The following MOSMO variants were observed in gnomAD, a reference collection of about 807,000 sequenced individuals.
MOSMO encodes the protein modulator of smoothened protein.
A neutral mutation model predicts 18.4 loss-of-function variants in MOSMO; 5 were observed. That is an observed-to-expected ratio of 0.27 (90% CI 0.14 to 0.57). MOSMO has a LOEUF of 0.57. Ranked by LOEUF, MOSMO falls within the 20% of genes least tolerant of loss-of-function variation. The pLI, the probability that MOSMO is intolerant of heterozygous loss-of-function variation, is 0.92. For synonymous variants in MOSMO, 82 were observed against 82.3 expected, an observed-to-expected ratio of 1.00 and a Z score of 0.02; for missense variants, 138 against 211.8, an observed-to-expected ratio of 0.65 and a Z score of 2.16.
chr16:22,038,798 T>A (rs1347174340), intron 1 of MOSMO, among the ~76,000 whole-genome samples: 1 of 152,232 alleles, frequency 6.6e-6, no homozygotes, highest in East Asian at 1.9e-4. Context: ...TTTTTAATGA[T>A]GCCAATCTTA....
intron 1 of MOSMO, among the ~76,000 whole-genome samples, chr16:22,047,850 A>T (rs943024959): frequency 6.6e-6 from 1 of 152,058 alleles, no homozygotes; most frequent in African/African-American, 2.4e-5. Flanking sequence ...AAGAGCTCAG[A>T]CTGATTTACA....
intron 1 of MOSMO, among the ~76,000 whole-genome samples, chr16:22,053,361 C>T (rs897087231): frequency 1.3e-5 from 2 of 151,976 alleles, no homozygotes; most frequent in African/African-American, 4.8e-5. Flanking sequence ...TTTATATTTA[C>T]TAATTATTAA....
downstream of MOSMO, among the ~76,000 whole-genome samples, chr16:22,087,789 C>T (rs1276484963): frequency 6.6e-6 from 1 of 152,164 alleles, no homozygotes; most frequent in Non-Finnish European, 1.5e-5. Context: ...GTAACTTTTT[C>T]CTGCCTTATG....
intron 1 of MOSMO, among the ~76,000 whole-genome samples, chr16:22,065,451 G>C (rs779114629): frequency 1.1e-4 from 17 of 152,102 alleles, no homozygotes; most frequent in Non-Finnish European, 2.4e-4. Context: ...CTTGCCTTGT[G>C]TGTGGTCATC....
At position 22,063,462 on chromosome 16, in the gene MOSMO, C is replaced by T. The variant is rs201897552; in HGVS notation, c.107-12025C>T. Among the ~76,000 whole-genome samples the T allele has an allele frequency of 2.6e-4, 39 of 152,150 alleles. No individual in the cohort carries two copies. In the East Asian group the frequency reaches 6.4e-3, roughly 25 times the overall value. On this transcript the variant is annotated intron_variant, in intron 1 of 2. Transcript: ENST00000542527. ...AAGGTAGTAGTGCACATTTTCTGGT[C>T]GATGCAAATAGGTAAGACAAATGTG...
intron 1 of MOSMO, among the ~76,000 whole-genome samples, chr16:22,038,784 A>G (rs1900156691): frequency 6.6e-6 from 1 of 152,236 alleles, no homozygotes; most frequent in Admixed American, 6.5e-5. Flanking sequence ...CATAAAGCAT[A>G]AATTTTTTAA....
At chr16:22,015,769 T>C (rs1313726158) in intron 1 of MOSMO, among the ~76,000 whole-genome samples, 1 of 152,164 alleles carries the variant, frequency 6.6e-6, no homozygotes, top group Non-Finnish European at 1.5e-5. Context: ...ACATCATCTC[T>C]TTTATCATTA....
At chr16:22,066,296 G>T (rs897714069) in intron 1 of MOSMO, among the ~76,000 whole-genome samples, 6 of 152,158 alleles carry the variant, frequency 3.9e-5, no homozygotes, top group Non-Finnish European at 8.8e-5. Context: ...GTCAGCAGTT[G>T]TTCAGCATCA....
chr16:22,040,241 G>A (rs1458621514), intron 1 of MOSMO, among the ~76,000 whole-genome samples: 1 of 152,070 alleles, frequency 6.6e-6, no homozygotes, highest in African/African-American at 2.4e-5. Context: ...CACATAAGAG[G>A]GGAACAACAC....
In MOSMO at chr16:22,081,017, AAGG is replaced by A; in HGVS notation, c.*139_*141del. 2.7e-6 allele frequency: 1 copy of A among 372,162 alleles called. No homozygotes were observed. The highest frequency in any genetic ancestry group is 4.6e-6 in the Non-Finnish European group (1 of 215,246). 23.1% of individuals were successfully genotyped at this position (372,162 alleles called of 1,614,324 possible). A position where few individuals can be genotyped will look rare whatever the true frequency, so the allele number is the denominator to read the frequency against. ...ATGCTCAGATGAAACTGATGCTGAG[AAGG>A]AAAAAAAAATGCTTTGGTTTGTTCT... On this transcript the variant is annotated 3_prime_UTR_variant, in exon 3 of 3. Coordinates refer to ENST00000542527, the MANE Select transcript of MOSMO (RefSeq NM_001164579.2).
chr16:22,012,325 C>G (rs1027677697), intron 1 of MOSMO, among the ~76,000 whole-genome samples: 2 of 152,146 alleles, frequency 1.3e-5, no homozygotes, highest in Non-Finnish European at 2.9e-5. Context: ...CTCTCTTTGT[C>G]TCCGTTTCCT....
rs570381129 is a variant in MOSMO at position 22,020,522 on chromosome 16, C to T, written c.106+12115C>T. ...GTTGGTCAGGCTGGTCTTGAACTCC[C>T]GACCTCGGGTGATCCACCCGCATCG... On this transcript the variant is annotated intron_variant, in intron 1 of 2. Coordinates refer to ENST00000542527, the MANE Select transcript of MOSMO (RefSeq NM_001164579.2). Among the ~76,000 whole-genome samples, 8 of 151,976 alleles carry T rather than the reference C, an allele frequency of 5.3e-5. No homozygotes were observed. In the East Asian group the frequency reaches 1.2e-3, roughly 23 times the overall value.
chr16:22,080,134 G>A (rs1598028365), intron 2 of MOSMO, among the ~76,000 whole-genome samples: 1 of 152,134 alleles, frequency 6.6e-6, no homozygotes, highest in East Asian at 1.9e-4. Context: ...TTATTTATAT[G>A]TACCTTTTCT....
At chr16:22,057,441 C>T (rs1900558581) in intron 1 of MOSMO, among the ~76,000 whole-genome samples, 2 of 152,226 alleles carry the variant, frequency 1.3e-5, no homozygotes, top group African/African-American at 4.8e-5. Flanking sequence ...GAACACCTTC[C>T]ATTAGGCTCC....
intron 1 of MOSMO, among the ~76,000 whole-genome samples, chr16:22,014,385 G>A (rs1409081393): frequency 2.0e-5 from 3 of 152,176 alleles, no homozygotes; most frequent in Non-Finnish European, 1.5e-5. Context: ...CATTTTGTGA[G>A]GAAGAGTTTT....
At chr16:22,019,713 A>G (rs942742187) in intron 1 of MOSMO, among the ~76,000 whole-genome samples, 2 of 152,114 alleles carry the variant, frequency 1.3e-5, no homozygotes, top group Non-Finnish European at 2.9e-5. Context: ...TTAGAGAGTG[A>G]GGTGATTGTA....
intron 1 of MOSMO, among the ~76,000 whole-genome samples, chr16:22,050,286 TA>T (rs367779060): frequency 1.3e-5 from 2 of 152,046 alleles, no homozygotes; most frequent in Non-Finnish European, 2.9e-5. Context: ...AATATTAAAC[TA>T]AAAAAAATAG....
intron 1 of MOSMO, among the ~76,000 whole-genome samples, chr16:22,067,399 A>G (rs373745334): frequency 6.6e-6 from 1 of 152,356 alleles, no homozygotes; most frequent in Admixed American, 6.5e-5. Context: ...AAAGTAATAT[A>G]CATTCAGAAA....
At chr16:22,070,875 TG>T (rs1900835820) in intron 1 of MOSMO, among the ~76,000 whole-genome samples, 1 of 152,070 alleles carries the variant, frequency 6.6e-6, no homozygotes, top group Non-Finnish European at 1.5e-5. Context: ...CCCAGGGAGG[TG>T]CACAGGGCTG....
Sources: allele counts gnomAD v4.1 joint callset (sites outside exome capture counted in the v4.1 genomes callset), GRCh38; gene constraint gnomAD v4.1.1; transcripts MANE v1.5; gene names NCBI Gene and HGNC (gene_info 2026-07-23, HGNC 2026-07-21).